MS4A8: variants seen among roughly 807,000 people sequenced by gnomAD.
The protein encoded by MS4A8 is membrane spanning 4-domains A8.
In MS4A8, 27 loss-of-function variants were observed where a neutral mutation model predicts 23.7. The ratio of observed to expected loss-of-function variants is 1.14; its 90% CI spans 0.84 to 1.57. The LOEUF (loss-of-function observed/expected upper bound fraction) is 1.57. Among genes scored for constraint, MS4A8 ranks in the 40% most tolerant of loss-of-function variants. MS4A8 has a pLI of 0.00. For synonymous variants in MS4A8, 138 were observed against 126.3 expected, an observed-to-expected ratio of 1.09 and a Z score of -0.62; for missense variants, 301 against 311.4, an observed-to-expected ratio of 0.97 and a Z score of 0.25.
intron 3 of MS4A8, among the ~76,000 whole-genome samples, chr11:60,704,282 G>A (rs1250012027): frequency 1.3e-5 from 2 of 151,738 alleles, no homozygotes; most frequent in African/African-American, 2.4e-5. Flanking sequence ...CACCACGCCC[G>A]GCTAATTTTT....
At chr11:60,713,979 C>T (rs1272200591) in intron 5 of MS4A8, among the ~76,000 whole-genome samples, 1 of 139,436 alleles carries the variant, frequency 7.2e-6, no homozygotes. Flanking sequence ...CTGCGGACTG[C>T]AGTGGCGCAA....
rs7948663 is a variant in MS4A8, at chr11:60,715,658, A to G, written c.*244A>G. 9,185 of 489,056 alleles carry G rather than the reference A, an allele frequency of 0.019. 651 individuals carry two copies. The highest frequency in any genetic ancestry group is 0.16 in the African/African-American group (8,119 of 51,458). 30.3% of individuals were successfully genotyped at this position (489,056 alleles called of 1,614,324 possible). A position where few individuals can be genotyped will look rare whatever the true frequency, so the allele number is the denominator to read the frequency against. ...CTCCCTAGGGCACATGCATCAGCAC[A>G]TATGTGGGCATCCAGCCTCTGGGGC... On this transcript the variant is annotated 3_prime_UTR_variant, in exon 7 of 7. Coordinates refer to ENST00000300226, the MANE Select transcript of MS4A8 (RefSeq NM_031457.2).
At chr11:60,711,498 C>T (rs1369216716) in intron 5 of MS4A8, among the ~76,000 whole-genome samples, 1 of 152,112 alleles carries the variant, frequency 6.6e-6, no homozygotes, top group African/African-American at 2.4e-5. Flanking sequence ...CAGGTATTTG[C>T]CCTCCCTGGG....
chr11:60,701,972 A>G (rs1166098146), intron 2 of MS4A8, among the ~76,000 whole-genome samples: 2 of 152,210 alleles, frequency 1.3e-5, no homozygotes, highest in African/African-American at 4.8e-5. Context: ...TATGGAGTTA[A>G]TGGAAGAAAG....
At chr11:60,711,308 A>T (rs1021205338) in intron 5 of MS4A8, among the ~76,000 whole-genome samples, 1 of 152,174 alleles carries the variant, frequency 6.6e-6, no homozygotes, top group Non-Finnish European at 1.5e-5. Context: ...ATTTGACCAG[A>T]TCCTTTTATC....
At chr11:60,701,339 T>G in intron 2 of MS4A8, 1 of 586,472 alleles carries the variant, frequency 1.7e-6, no homozygotes, top group Non-Finnish European at 3.2e-6. Flanking sequence ...TGAAGGTTGA[T>G]CCTGTTGCCA....
At chr11:60,702,357 A>G (rs1199004545) in intron 2 of MS4A8, among the ~76,000 whole-genome samples, 1 of 152,216 alleles carries the variant, frequency 6.6e-6, no homozygotes, top group Non-Finnish European at 1.5e-5. Flanking sequence ...GGTACTCCAA[A>G]TACGGTTTCT....
chr11:60,714,925 G>A lies in MS4A8; in HGVS notation c.535-96G>A, dbSNP rs181293074. The A allele has an allele frequency of 2.6e-4, 230 of 873,170 alleles. No homozygotes were observed. The African/African-American group carries it at 3.4e-3, about 13-fold the overall frequency. The allele number at this position is 873,170 out of a possible 1,614,324, so 54.1% of individuals were successfully genotyped here. A position where few individuals can be genotyped will look rare whatever the true frequency, so the allele number is the denominator to read the frequency against. ...GGCTGAGAGAGGATAGGGGACTTCC[G>A]CAAAGCCACAAAGAGTCCATGGCAG... On this transcript the variant is annotated intron_variant, in intron 5 of 6. Coordinates refer to ENST00000300226, the MANE Select transcript of MS4A8 (RefSeq NM_031457.2).
chr11:60,704,849 CATACAAACAA>C (rs2088240907), intron 3 of MS4A8, among the ~76,000 whole-genome samples: 1 of 42,400 alleles, frequency 2.4e-5, no homozygotes, highest in African/African-American at 5.8e-5. Flanking sequence ...CACACACACA[CATACAAACAA>C]ACACACATAC....
chr11:60,715,472 TG>T lies in MS4A8; in HGVS notation c.*61del. 7.2e-7 allele frequency: 1 copy of T among 1,393,624 alleles called. No homozygotes were observed. The allele number at this position is 1,393,624 out of a possible 1,614,324, so 86.3% of individuals were successfully genotyped here. A position where few individuals can be genotyped will look rare whatever the true frequency, so the allele number is the denominator to read the frequency against. On this transcript the variant is annotated 3_prime_UTR_variant, in exon 7 of 7. Transcript: ENST00000300226. ...ACCAAAAGAAGTCCTCCTCCCTTTC[TG>T]GGCTTCCATAACCCAGGTCGTTCCT...
chr11:60,709,689 C>A (rs919315959), intron 5 of MS4A8, among the ~76,000 whole-genome samples: 1 of 152,208 alleles, frequency 6.6e-6, no homozygotes, highest in Non-Finnish European at 1.5e-5. Context: ...CCTCTGTCTG[C>A]GCAACTGAGT....
intron 1 of MS4A8, among the ~76,000 whole-genome samples, chr11:60,700,487 A>C (rs934628977): frequency 6.6e-6 from 1 of 152,150 alleles, no homozygotes; most frequent in Non-Finnish European, 1.5e-5. Flanking sequence ...CGGAGGTTGC[A>C]GTGAGCCAAG....
Position 60,708,795 on chromosome 11 carries a change from T to C in MS4A8, c.534+14T>C, listed in dbSNP as rs1331751009. ...GCCTGGGGTGTGGTGAGTATCCCTCTCAACCAAAGATCCTCTAAGTTCTGA... is the reference window on the plus strand; with the variant it reads ...GCCTGGGGTGTGGTGAGTATCCCTCCCAACCAAAGATCCTCTAAGTTCTGA... On this transcript the variant is annotated intron_variant, in intron 5 of 6. Coordinates refer to ENST00000300226, the MANE Select transcript of MS4A8 (RefSeq NM_031457.2). 6.2e-7 allele frequency: 1 copy of C among 1,613,676 alleles called. No homozygotes were observed. The highest frequency in any genetic ancestry group is 8.5e-7 in the Non-Finnish European group (1 of 1,179,762).
chr11:60,712,219 G>A (rs764358103), intron 5 of MS4A8: 23 of 566,128 alleles, frequency 4.1e-5, no homozygotes, highest in Non-Finnish European at 5.1e-5. Context: ...ATCCCTTCAT[G>A]ACAATGAACC....
chr11:60,714,924 C>T (rs1056123607), intron 5 of MS4A8, 97 bp from the exon 6 acceptor site: 34 of 867,360 alleles, frequency 3.9e-5, no homozygotes, highest in African/African-American at 3.0e-4. Context: ...AGGGGACTTC[C>T]GCAAAGCCAC....
intron 5 of MS4A8, among the ~76,000 whole-genome samples, chr11:60,714,277 A>G (rs1320756494): frequency 6.6e-6 from 1 of 151,998 alleles, no homozygotes; most frequent in Non-Finnish European, 1.5e-5. Context: ...AACAAAGCAC[A>G]CCCTGCACAA....
intron 5 of MS4A8, among the ~76,000 whole-genome samples, chr11:60,711,389 A>G (rs1440662520): frequency 6.6e-6 from 1 of 152,360 alleles, no homozygotes; most frequent in East Asian, 1.9e-4. Flanking sequence ...CCTATGGACC[A>G]AGTCCATGTC....
At chr11:60,708,571 A>G in intron 4 of MS4A8, 79 bp from the exon 5 acceptor site, 1 of 1,415,814 alleles carries the variant, frequency 7.1e-7, no homozygotes, top group Non-Finnish European at 9.3e-7. Flanking sequence ...GGGGGGAAAA[A>G]GAAACACTTG....
In MS4A8 at chr11:60,708,740, C is replaced by T. The variant is rs1423605597; in HGVS notation, c.493C>T (p.Pro165Ser). ...LFITDLSIPH[P>S]YAYPDYYPYA... ...CATCACAGATCTAAGTATTCCCCAC[C>T]CATATGCCTACCCCGACTATTATCC... The change falls in exon 5 of 7, where the codon CCA becomes TCA. Residue 165 changes from proline (P) to serine (S), a missense_variant. Coordinates refer to ENST00000300226, the MANE Select transcript of MS4A8 (RefSeq NM_031457.2). The T allele has an allele frequency of 1.2e-6, 2 of 1,613,750 alleles. No homozygotes were observed. Among genetic ancestry groups the T allele is most frequent in the Admixed American group, 1.7e-5 (1 of 59,956 alleles).
Sources: allele counts gnomAD v4.1 joint callset (sites outside exome capture counted in the v4.1 genomes callset), GRCh38; gene constraint gnomAD v4.1.1; transcripts MANE v1.5; gene names NCBI Gene and HGNC (gene_info 2026-07-23, HGNC 2026-07-21).